Variants in PARD3B observed in about 807,000 individuals in gnomAD.
PARD3B encodes partitioning defective 3 homolog B.
Under a neutral mutation model 130.2 loss-of-function variants are expected in PARD3B, and 103 were observed. That is an observed-to-expected ratio of 0.79 (90% CI 0.67 to 0.93). The LOEUF is 0.93. Ranked by LOEUF, PARD3B falls within the 40% of genes least tolerant of loss-of-function variation. The pLI, the probability that PARD3B is intolerant of heterozygous loss-of-function variation, is 0.00. For missense variants in PARD3B, 1,609 were observed against 1,499.2 expected, an observed-to-expected ratio of 1.07 and a Z score of -1.21; for synonymous variants, 583 against 553.2, an observed-to-expected ratio of 1.05 and a Z score of -0.76.
intron 18 of PARD3B, among the ~76,000 whole-genome samples, chr2:205,381,908 A>G (rs2045463821): frequency 6.6e-6 from 1 of 151,878 alleles, no homozygotes; most frequent in African/African-American, 2.4e-5. Context: ...TTTCCTAATC[A>G]TTTCTCTCCT....
At chr2:204,977,396 C>T (rs866135173) in intron 3 of PARD3B, among the ~76,000 whole-genome samples, 37 of 152,246 alleles carry the variant, frequency 2.4e-4, no homozygotes, top group African/African-American at 7.7e-4. Flanking sequence ...ACCCAGAACA[C>T]TGTATTAGCC....
At chr2:205,017,594 G>A (rs1696249095) in intron 3 of PARD3B, among the ~76,000 whole-genome samples, 2 of 152,118 alleles carry the variant, frequency 1.3e-5, no homozygotes, top group Admixed American at 1.3e-4. Context: ...GCTCTCTTTT[G>A]TATAACATCC....
At chr2:204,753,181 T>C (rs1406732309) in intron 2 of PARD3B, among the ~76,000 whole-genome samples, 1 of 152,186 alleles carries the variant, frequency 6.6e-6, no homozygotes, top group African/African-American at 2.4e-5. Flanking sequence ...TAAATTATCA[T>C]TGAATGAGAT....
At chr2:205,345,303 T>C (rs2043709452) in intron 18 of PARD3B, among the ~76,000 whole-genome samples, 1 of 152,122 alleles carries the variant, frequency 6.6e-6, no homozygotes, top group Admixed American at 6.5e-5. Context: ...GGTAATAAAC[T>C]TGGGGGTACT....
chr2:205,333,064 TA>T (rs1313735375), intron 18 of PARD3B, among the ~76,000 whole-genome samples: 1 of 152,080 alleles, frequency 6.6e-6, no homozygotes, highest in Non-Finnish European at 1.5e-5. Flanking sequence ...GTTTGTAAAG[TA>T]AAACAAAACA....
chr2:204,550,035 AG>A (rs1248768954), intron 1 of PARD3B, among the ~76,000 whole-genome samples: 1 of 152,186 alleles, frequency 6.6e-6, no homozygotes, highest in East Asian at 1.9e-4. Context: ...TTCCTATAGA[AG>A]GTGCTCAAAT....
chr2:204,822,801 A>T lies in PARD3B; in HGVS notation c.222+136519A>T, dbSNP rs1002216564. Among the ~76,000 whole-genome samples, 54 of 152,192 alleles carry T rather than the reference A, an allele frequency of 3.5e-4. 1 individual carries two copies. The highest frequency in any genetic ancestry group is 1.3e-3 in the African/African-American group (52 of 41,446). ...TATTTAGGCACTTAGATGGCCTTTGAGAGAATCTTTGTGTCACAGTGGAGC... is the reference window on the plus strand; with the variant it reads ...TATTTAGGCACTTAGATGGCCTTTGTGAGAATCTTTGTGTCACAGTGGAGC... On this transcript the variant is annotated intron_variant, in intron 2 of 22. Coordinates refer to ENST00000406610, the MANE Select transcript of PARD3B (RefSeq NM_001302769.2).
chr2:204,725,224 C>T (rs943242167), intron 2 of PARD3B, among the ~76,000 whole-genome samples: 4 of 151,832 alleles, frequency 2.6e-5, no homozygotes, highest in African/African-American at 9.7e-5. Flanking sequence ...ATTTATATGA[C>T]GTAAAAGGTA....
chr2:204,783,363 AAG>A (rs895322076), intron 2 of PARD3B, among the ~76,000 whole-genome samples: 1 of 152,072 alleles, frequency 6.6e-6, no homozygotes, highest in Non-Finnish European at 1.5e-5. Flanking sequence ...TGGGTATGGA[AAG>A]AGAGAGAGAT....
intron 16 of PARD3B, among the ~76,000 whole-genome samples, chr2:205,254,900 G>A (rs1320667561): frequency 1.3e-5 from 2 of 151,650 alleles, no homozygotes; most frequent in Non-Finnish European, 2.9e-5. Context: ...TCCTGACCTC[G>A]TGATCCGCCC....
At chr2:205,097,807 T>C (rs1161138537) in intron 4 of PARD3B, among the ~76,000 whole-genome samples, 5 of 145,384 alleles carry the variant, frequency 3.4e-5, no homozygotes, top group Non-Finnish European at 6.0e-5. Flanking sequence ...AATTTCTGGC[T>C]ATGTAGGTGT....
At chr2:205,437,636 G>A (rs919142951) in intron 19 of PARD3B, among the ~76,000 whole-genome samples, 31 of 151,968 alleles carry the variant, frequency 2.0e-4, no homozygotes, top group African/African-American at 4.8e-4. Flanking sequence ...TATATTGGAC[G>A]GTGCAGATCT....
At position 204,686,232 on chromosome 2, in the gene PARD3B, A is replaced by G; in HGVS notation, c.172A>G (p.Ile58Val). The change falls in exon 2 of 23, where the codon ATC (isoleucine) becomes GTC (valine). Residue 58 changes from isoleucine to valine, a missense_variant. By Grantham distance (29) the Ile-to-Val change is conservative. Transcript: ENST00000406610. Reference sequence around the variant, plus strand: ...TCACTTAGAATATACAGATGGAGGAATCCTGGATCCAGATGATGTCTTGGC... The same window carrying G: ...TCACTTAGAATATACAGATGGAGGAGTCCTGGATCCAGATGATGTCTTGGC... ...IHHLEYTDGG[I>V]LDPDDVLADV... The G allele has an allele frequency of 6.2e-7, 1 of 1,612,506 alleles. No homozygotes were observed. The highest frequency in any genetic ancestry group is 1.1e-5 in the South Asian group (1 of 91,056).
intron 22 of PARD3B, 82 bp downstream of exon 22, chr2:205,553,485 G>T (rs2052740647): frequency 9.2e-6 from 13 of 1,409,304 alleles, no homozygotes; most frequent in Admixed American, 5.4e-5. Flanking sequence ...AGAAATTCTG[G>T]CTTTGAAATA....
intron 2 of PARD3B, among the ~76,000 whole-genome samples, chr2:204,688,413 A>T (rs535179949): frequency 6.6e-6 from 1 of 151,998 alleles, no homozygotes; most frequent in African/African-American, 2.4e-5. Context: ...CCCCATCTCT[A>T]CTAAAAATAC....
In PARD3B at chr2:205,300,482, A is replaced by G. The variant is rs1044805710; in HGVS notation, c.2186-48A>G. On this transcript the variant is annotated intron_variant, in intron 16 of 22. Transcript: ENST00000406610. The surrounding 1 kb of genome is among the most constrained non-coding windows in gnomAD (Gnocchi z 4.1). ...ATTCTTAGAACAATAGCATTACACC[A>G]CACTGCCCCATTAGAAGAGGGGTGA... 2 of 1,488,806 alleles carry G rather than the reference A, an allele frequency of 1.3e-6. No homozygotes were observed. The highest frequency in any genetic ancestry group is 1.9e-6 in the Non-Finnish European group (2 of 1,068,372). 92.2% of individuals were successfully genotyped at this position (1,488,806 alleles called of 1,614,324 possible). A position where few individuals can be genotyped will look rare whatever the true frequency, so the allele number is the denominator to read the frequency against.
intron 16 of PARD3B, among the ~76,000 whole-genome samples, chr2:205,282,827 C>G (rs1260547396): frequency 6.6e-6 from 1 of 152,022 alleles, no homozygotes; most frequent in Non-Finnish European, 1.5e-5. Context: ...ATGCAGTATT[C>G]CAGAGAACAA....
intron 4 of PARD3B, among the ~76,000 whole-genome samples, chr2:205,081,527 T>C (rs1292150346): frequency 6.6e-6 from 1 of 152,038 alleles, no homozygotes. Context: ...AATATGATAT[T>C]AGTTCTAAGT....
chr2:204,693,407 C>A lies in PARD3B; in HGVS notation c.222+7125C>A, dbSNP rs538882602. 7.9e-5 allele frequency among the ~76,000 whole-genome samples: 12 copies of A among 152,072 alleles called. No homozygotes were observed. The South Asian group carries it at 2.5e-3, about 32-fold the overall frequency. On this transcript the variant is annotated intron_variant, in intron 2 of 22. Transcript: ENST00000406610. Reference sequence around the variant, plus strand: ...TCTGGACAAAAAAGTCAGTTCATTTCTTGGCCCTGTTATTTGTCTAGTTTT... The same window carrying A: ...TCTGGACAAAAAAGTCAGTTCATTTATTGGCCCTGTTATTTGTCTAGTTTT...
Sources: allele counts gnomAD v4.1 joint callset (sites outside exome capture counted in the v4.1 genomes callset), GRCh38; gene constraint gnomAD v4.1.1; non-coding constraint Gnocchi (gnomAD v3.1); transcripts MANE v1.5; gene names NCBI Gene and HGNC (gene_info 2026-07-23, HGNC 2026-07-21).